The following GMPR variants were observed in gnomAD, a reference collection of about 807,000 sequenced individuals.
GMPR encodes GMP reductase 1.
Under a neutral mutation model 38.4 loss-of-function variants are expected in GMPR, and 31 were observed. That is an observed-to-expected ratio of 0.81 (90% CI 0.61 to 1.09). The LOEUF (loss-of-function observed/expected upper bound fraction) is 1.09. Among genes scored for constraint, GMPR ranks in the 50% least tolerant of loss-of-function variants. GMPR has a pLI of 0.00. For missense variants in GMPR, 468 were observed against 453.7 expected, an observed-to-expected ratio of 1.03 and a Z score of -0.29; for synonymous variants, 162 against 173.3, an observed-to-expected ratio of 0.93 and a Z score of 0.51.
chr6:16,256,306 G>T lies in GMPR; in HGVS notation c.465+1571G>T, dbSNP rs144963305. ...CGAGGTGGGTGGATCATGAGGTCAA[G>T]AGTTCAAGACCAGCCTGGCCAAGAT... On this transcript the variant is annotated intron_variant, in intron 4 of 8. Transcript: ENST00000259727. 6.7e-3 allele frequency among the ~76,000 whole-genome samples: 971 copies of T among 145,968 alleles called. 9 individuals are homozygous for T. The highest frequency in any genetic ancestry group is 0.024 in the African/African-American group (921 of 39,154).
At position 16,295,116 on chromosome 6, in the gene GMPR, A is replaced by G; in HGVS notation, c.968A>G (p.Lys323Arg). 6.3e-7 allele frequency: 1 copy of G among 1,579,196 alleles called. No homozygotes were observed. Among genetic ancestry groups the G allele is most frequent in the African/African-American group, 1.4e-5 (1 of 71,848 alleles). Reference protein sequence around the residue: ...RSTCTYVGAAKLKELSRRATF... With the variant: ...RSTCTYVGAARLKELSRRATF... ...ACGTGCACCTACGTGGGGGCCGCCA[A>G]ACTCAAGGAGCTCAGCAGGAGGGCA... The change falls in exon 9 of 9, where the codon AAA (lysine) becomes AGA (arginine). Residue 323 changes from lysine (K) to arginine (R), a missense_variant. By Grantham distance (26) the Lys-to-Arg change is conservative. Transcript: ENST00000259727.
At chr6:16,279,628 A>T (rs1162005760) in intron 6 of GMPR, among the ~76,000 whole-genome samples, 1 of 152,210 alleles carries the variant, frequency 6.6e-6, no homozygotes, top group Non-Finnish European at 1.5e-5. Flanking sequence ...CTGATGGTTG[A>T]AAAGGAAGTT....
chr6:16,289,847 AATTTTTTTTTTTT>A (rs1759800344), intron 7 of GMPR: 1 of 90,124 alleles, frequency 1.1e-5, no homozygotes, highest in Non-Finnish European at 2.1e-5. Flanking sequence ...GATACTGCCC[AATTTTTTTTTTTT>A]TTTTTTTTTT....
rs184349572 is a variant in GMPR at position 16,283,292 on chromosome 6, G to T, written c.655-2501G>T. Among the ~76,000 whole-genome samples, 332 of 152,208 alleles carry T rather than the reference G, an allele frequency of 2.2e-3. 2 individuals are homozygous for T. The highest frequency in any genetic ancestry group is 2.4e-3 in the Non-Finnish European group (164 of 68,002). On this transcript the variant is annotated intron_variant, in intron 6 of 8. Coordinates refer to ENST00000259727, the MANE Select transcript of GMPR (RefSeq NM_006877.4). The stretch of plus-strand genomic sequence containing the variant: ...CAAACAAATTACAAGCCCAAATGTT[G>T]TTGTTTTTAACAACCTTTCAGCAGC...
At chr6:16,284,908 A>C (rs2113701300) in intron 6 of GMPR, among the ~76,000 whole-genome samples, 1 of 151,474 alleles carries the variant, frequency 6.6e-6, no homozygotes, top group South Asian at 2.1e-4. Context: ...TAATCCAGCT[A>C]CTCAGGAGGC....
At chr6:16,261,408 T>G (rs537290626) in intron 4 of GMPR, among the ~76,000 whole-genome samples, 3 of 151,984 alleles carry the variant, frequency 2.0e-5, no homozygotes, top group African/African-American at 7.2e-5. Flanking sequence ...GGTGTCAGGG[T>G]CAGTCCAAGT....
At position 16,263,541 on chromosome 6, in the gene GMPR, C is replaced by T. The variant is rs962041631; in HGVS notation, c.465+8806C>T. Among the ~76,000 whole-genome samples, 6 of 151,642 alleles carry T rather than the reference C, an allele frequency of 4.0e-5. No homozygotes were observed. In the South Asian group the frequency reaches 1.2e-3, roughly 32 times the overall value. On this transcript the variant is annotated intron_variant, in intron 4 of 8. Transcript: ENST00000259727. Reference sequence around the variant, plus strand: ...GAGGGAAGGGGTTCAGGGGTTCTTACCTTCCAGAAAAGCGGGAAAGGGGTT... The same window carrying T: ...GAGGGAAGGGGTTCAGGGGTTCTTATCTTCCAGAAAAGCGGGAAAGGGGTT...
intron 6 of GMPR, among the ~76,000 whole-genome samples, chr6:16,283,785 T>A (rs531435078): frequency 2.6e-5 from 4 of 152,342 alleles, no homozygotes; most frequent in East Asian, 3.9e-4. Flanking sequence ...GTGATTTTTT[T>A]AAAAGTCATA....
intron 8 of GMPR, among the ~76,000 whole-genome samples, chr6:16,291,514 G>A (rs1313750919): frequency 3.3e-5 from 5 of 152,044 alleles, no homozygotes; most frequent in African/African-American, 9.7e-5. Flanking sequence ...ATGAGCCACC[G>A]CACCTGGCTC....
intron 6 of GMPR, among the ~76,000 whole-genome samples, chr6:16,284,342 A>T (rs942892467): frequency 6.6e-6 from 1 of 152,232 alleles, no homozygotes; most frequent in African/African-American, 2.4e-5. Flanking sequence ...GATGTTCTTC[A>T]CAAGGTGGGT....
chr6:16,286,259 G>C (rs567560176), intron 7 of GMPR, among the ~76,000 whole-genome samples: 1 of 152,040 alleles, frequency 6.6e-6, no homozygotes, highest in Non-Finnish European at 1.5e-5. Flanking sequence ...CTCCCGCTAG[G>C]GGGCAGCAGT....
At position 16,289,053 on chromosome 6, in the gene GMPR, C is replaced by T. The variant is rs143592437; in HGVS notation, c.698-1409C>T. On this transcript the variant is annotated intron_variant, in intron 7 of 8. Coordinates refer to ENST00000259727, the MANE Select transcript of GMPR (RefSeq NM_006877.4). ...CCAGCAGTGGCAAACCCTTCTGGCT[C>T]CTTTTCTTTGGGAGGGTGATTTGTT... is the stretch of plus-strand genomic sequence containing the variant. Among the ~76,000 whole-genome samples the T allele has an allele frequency of 2.2e-4, 34 of 152,284 alleles. 1 individual carries two copies. The highest frequency in any genetic ancestry group is 6.5e-4 in the Admixed American group (10 of 15,306).
At chr6:16,276,417 C>T (rs540335474) in intron 5 of GMPR, among the ~76,000 whole-genome samples, 1 of 152,118 alleles carries the variant, frequency 6.6e-6, no homozygotes, top group Non-Finnish European at 1.5e-5. Flanking sequence ...GTGATCCACC[C>T]GCCTTGGCCT....
rs976142517 is a variant in GMPR at position 16,295,338 on chromosome 6, G to A, written c.*152G>A. On this transcript the variant is annotated 3_prime_UTR_variant, in exon 9 of 9. Coordinates refer to ENST00000259727, the MANE Select transcript of GMPR (RefSeq NM_006877.4). ...CTGTCTCCTGCTGCCTGGAGGCTTC[G>A]GGGCTCTCCCGCCTGCCTTCTCGGG... 19 of 561,942 alleles carry A rather than the reference G, an allele frequency of 3.4e-5. No individual in the cohort carries two copies. Among genetic ancestry groups the A allele is most frequent in the South Asian group, 2.9e-4 (7 of 24,424 alleles). 34.8% of individuals were successfully genotyped at this position (561,942 alleles called of 1,614,324 possible).
intron 4 of GMPR, among the ~76,000 whole-genome samples, chr6:16,268,606 G>A (rs1002011699): frequency 4.6e-5 from 7 of 152,278 alleles, no homozygotes; most frequent in East Asian, 1.9e-4. Flanking sequence ...GTTAGGGGTT[G>A]GCACATCACA....
intron 4 of GMPR, among the ~76,000 whole-genome samples, chr6:16,270,186 C>T (rs1355927428): frequency 6.6e-6 from 1 of 152,234 alleles, no homozygotes; most frequent in Non-Finnish European, 1.5e-5. Flanking sequence ...TTTTCCATGA[C>T]CTTCAACCTC....
At chr6:16,290,938 C>T (rs574967768) in intron 8 of GMPR, among the ~76,000 whole-genome samples, 1 of 152,314 alleles carries the variant, frequency 6.6e-6, no homozygotes, top group African/African-American at 2.4e-5. Flanking sequence ...CCAGTAGAGC[C>T]TGTGCTGAGC....
At chr6:16,289,885 T>C (rs936713704) in intron 7 of GMPR, 6 of 116,852 alleles carry the variant, frequency 5.1e-5, no homozygotes, top group Non-Finnish European at 8.4e-5. Context: ...TTTTTTTTTT[T>C]GTGAGACGGA....
At chr6:16,282,690 T>A (rs1042024560) in intron 6 of GMPR, among the ~76,000 whole-genome samples, 1 of 152,254 alleles carries the variant, frequency 6.6e-6, no homozygotes, top group Admixed American at 6.5e-5. Flanking sequence ...CTCCTTTCTC[T>A]GCCTACTCCA....
Sources: allele counts gnomAD v4.1 joint callset (sites outside exome capture counted in the v4.1 genomes callset), GRCh38; gene constraint gnomAD v4.1.1; transcripts MANE v1.5; gene names NCBI Gene and HGNC (gene_info 2026-07-23, HGNC 2026-07-21).